DTWD2: variants seen among roughly 807,000 people sequenced by gnomAD.
The protein encoded by DTWD2 is DTW motif tRNA-uridine aminocarboxypropyltransferase 2.
In DTWD2, 39 loss-of-function variants were observed where a neutral mutation model predicts 31.8. The observed-to-expected ratio is 1.22, with a 90% confidence interval of 0.95 to 1.60. The LOEUF (loss-of-function observed/expected upper bound fraction) is 1.60. DTWD2 is among the 40% of genes most tolerant of loss of function. The pLI, the probability that DTWD2 is intolerant of heterozygous loss-of-function variation, is 0.00. For synonymous variants in DTWD2, 180 were observed against 142.8 expected (o/e 1.26, Z -1.86); for missense variants, 515 against 381.5 (o/e 1.35, Z -2.92).
rs1467627443 is a variant in DTWD2, at chr5:118,838,828, T to C, written c.*2089A>G. 6.6e-6 allele frequency: 1 copy of C among 152,126 alleles called. No individual in the cohort carries two copies. The highest frequency in any genetic ancestry group is 2.4e-5 in the African/African-American group (1 of 41,410). The allele number at this position is 152,126 out of a possible 1,614,324, so 9.4% of individuals were successfully genotyped here. On this transcript the variant is annotated 3_prime_UTR_variant, in exon 6 of 6. Coordinates refer to ENST00000510708, the MANE Select transcript of DTWD2 (RefSeq NM_173666.4). ...AAATTACTCTTAAAAATCAATAAAG[T>C]AAAATTTTGAGATACAAAATGGTAT...
chr5:118,955,659 T>C (rs1754568194), intron 1 of DTWD2, among the ~76,000 whole-genome samples: 1 of 152,086 alleles, frequency 6.6e-6, no homozygotes, highest in Admixed American at 6.6e-5. Context: ...TCCTTGCTTC[T>C]CCAGGCACAT....
intron 4 of DTWD2, among the ~76,000 whole-genome samples, chr5:118,890,654 T>A (rs1202932297): frequency 7.9e-6 from 1 of 126,720 alleles, no homozygotes; most frequent in African/African-American, 3.0e-5. Flanking sequence ...CACTGCAACC[T>A]CCGCCTCCCA....
At chr5:118,897,693 A>G (rs1753113301) in intron 4 of DTWD2, among the ~76,000 whole-genome samples, 1 of 152,146 alleles carries the variant, frequency 6.6e-6, no homozygotes, top group Admixed American at 6.5e-5. Flanking sequence ...CATACAAACC[A>G]TACAAACCAC....
chr5:118,843,389 A>G (rs1362672356), intron 5 of DTWD2, among the ~76,000 whole-genome samples: 4 of 104,208 alleles, frequency 3.8e-5, no homozygotes, highest in South Asian at 2.5e-4. Context: ...AAGGAGAGAG[A>G]TAGAAAGAAA....
chr5:118,888,627 G>A (rs1247693232), intron 4 of DTWD2, among the ~76,000 whole-genome samples: 1 of 152,310 alleles, frequency 6.6e-6, no homozygotes, highest in African/African-American at 2.4e-5. Context: ...ATCTAGGAGT[G>A]AAATGGCTGG....
intron 2 of DTWD2, among the ~76,000 whole-genome samples, chr5:118,941,638 T>A (rs1247946579): frequency 6.6e-6 from 1 of 152,228 alleles, no homozygotes; most frequent in Non-Finnish European, 1.5e-5. Flanking sequence ...GCAATAAACA[T>A]ACGTGTGCAT....
In DTWD2 at chr5:118,928,702, C is replaced by A; in HGVS notation, c.432G>T (p.Arg144=). Residue 144 remains arginine, a synonymous_variant, in exon 4 of 6, where the codon CGG becomes CGT. Coordinates refer to ENST00000510708, the MANE Select transcript of DTWD2 (RefSeq NM_173666.4). ...ERDPELSTVC[R]KSGTLILYPG... is the part of the protein sequence containing the mutation. ...GATATAATATTAATGTACCAGACTT[C>A]CGGCAAACAGTTGAAAGTTCAGGAT... 2 of 1,572,898 alleles carry A rather than the reference C, an allele frequency of 1.3e-6. No homozygotes were observed. Among genetic ancestry groups the A allele is most frequent in the South Asian group, 1.2e-5 (1 of 80,304 alleles).
chr5:118,884,198 C>T (rs1323807743), intron 4 of DTWD2, among the ~76,000 whole-genome samples: 1 of 152,160 alleles, frequency 6.6e-6, no homozygotes, highest in African/African-American at 2.4e-5. Flanking sequence ...ACTAACAGAT[C>T]TGTGCTTTTA....
chr5:118,909,150 C>T (rs957143089), intron 4 of DTWD2, among the ~76,000 whole-genome samples: 6 of 152,198 alleles, frequency 3.9e-5, no homozygotes, highest in African/African-American at 9.7e-5. Context: ...TGGGGAGACC[C>T]GCATAGCTGA....
chr5:118,941,759 C>T (rs181837591), intron 2 of DTWD2, among the ~76,000 whole-genome samples: 1 of 152,228 alleles, frequency 6.6e-6, no homozygotes, highest in Non-Finnish European at 1.5e-5. Flanking sequence ...GCCACACAGA[C>T]TTCCACAATG....
chr5:118,977,909 C>T (rs1362302058), intron 1 of DTWD2, among the ~76,000 whole-genome samples: 4 of 151,990 alleles, frequency 2.6e-5, no homozygotes, highest in Non-Finnish European at 5.9e-5. Context: ...ACTGGAGAGG[C>T]ATTACACTAC....
intron 4 of DTWD2, among the ~76,000 whole-genome samples, chr5:118,853,339 G>GCTC (rs1193527062): frequency 6.6e-6 from 1 of 152,142 alleles, no homozygotes; most frequent in East Asian, 1.9e-4. Context: ...AATTAGTTTA[G>GCTC]AGATTTCTCA....
chr5:118,838,653 A>G lies in DTWD2; in HGVS notation c.*2264T>C, dbSNP rs1751632078. 2 of 152,166 alleles carry G rather than the reference A, an allele frequency of 1.3e-5. No individual in the cohort carries two copies. The highest frequency in any genetic ancestry group is 2.1e-4 in the South Asian group (1 of 4,824). 9.4% of individuals were successfully genotyped at this position (152,166 alleles called of 1,614,324 possible). A position where few individuals can be genotyped will look rare whatever the true frequency, so the allele number is the denominator to read the frequency against. ...GAGGTCAGGAAAAAATAAGTAAAAA[A>G]CAAGTACAGTGAGTTAACAGGTCAG... is the stretch of plus-strand genomic sequence containing the variant. On this transcript the variant is annotated 3_prime_UTR_variant, in exon 6 of 6. Coordinates refer to ENST00000510708, the MANE Select transcript of DTWD2 (RefSeq NM_173666.4).
At position 118,839,432 on chromosome 5, in the gene DTWD2, G is replaced by C. The variant is rs945615003; in HGVS notation, c.*1485C>G. The C allele has an allele frequency of 6.6e-6, 1 of 152,062 alleles. No individual in the cohort carries two copies. The highest frequency in any genetic ancestry group is 2.4e-5 in the African/African-American group (1 of 41,424). The allele number at this position is 152,062 out of a possible 1,614,324, so 9.4% of individuals were successfully genotyped here. A position where few individuals can be genotyped will look rare whatever the true frequency, so the allele number is the denominator to read the frequency against. ...TGCAGTGGAATGAACATAGCTCCTT[G>C]CAACCTTGATGTCCTGGGCTCCAGC... is the stretch of plus-strand genomic sequence containing the variant. On this transcript the variant is annotated 3_prime_UTR_variant, in exon 6 of 6. Transcript: ENST00000510708.
At chr5:118,900,217 A>AG (rs1753174704) in intron 4 of DTWD2, among the ~76,000 whole-genome samples, 1 of 152,226 alleles carries the variant, frequency 6.6e-6, no homozygotes, top group Admixed American at 6.5e-5. Flanking sequence ...TCCATTACAT[A>AG]TACCACCATT....
At chr5:118,987,999 C>T (rs559849717) in intron 1 of DTWD2, 9 of 679,138 alleles carry the variant, frequency 1.3e-5, no homozygotes, top group Non-Finnish European at 2.4e-5. Context: ...ACTGTCATCA[C>T]CCCTTACTTC....
At chr5:118,858,620 C>T (rs979026510) in intron 4 of DTWD2, among the ~76,000 whole-genome samples, 2 of 152,156 alleles carry the variant, frequency 1.3e-5, no homozygotes, top group South Asian at 4.1e-4. Context: ...CCAATCCTGC[C>T]TGTTGTAACC....
At chr5:118,952,866 C>T (rs1448758149) in intron 1 of DTWD2, among the ~76,000 whole-genome samples, 2 of 152,188 alleles carry the variant, frequency 1.3e-5, no homozygotes, top group Admixed American at 1.3e-4. Flanking sequence ...ACTCCCAGGG[C>T]TGAATTCACT....
chr5:118,865,380 T>C (rs956373896), intron 4 of DTWD2, among the ~76,000 whole-genome samples: 2 of 152,192 alleles, frequency 1.3e-5, no homozygotes, highest in African/African-American at 4.8e-5. Context: ...TAAGTACTTC[T>C]ATCTTTACTT....
Sources: gnomAD v4.1 joint callset for allele counts (sites outside exome capture counted in the v4.1 genomes callset) on GRCh38, gnomAD v4.1.1 for gene constraint, MANE v1.5 for transcripts, NCBI Gene and HGNC (gene_info 2026-07-23, HGNC 2026-07-21) for gene names.